Variants in DENND1A observed in about 807,000 individuals in gnomAD.
DENND1A encodes the protein DENN domain containing 1A.
A neutral mutation model predicts 113.7 loss-of-function variants in DENND1A; 51 were observed. The ratio of observed to expected loss-of-function variants is 0.45; its 90% CI spans 0.36 to 0.57. DENND1A has a LOEUF of 0.57. Ranked by LOEUF, DENND1A falls within the 20% of genes least tolerant of loss-of-function variation. DENND1A has a pLI of 0.00. For missense variants in DENND1A, 1,258 were observed against 1,395.9 expected, an observed-to-expected ratio of 0.90 and a Z score of 1.57; for synonymous variants, 565 against 570.8, an observed-to-expected ratio of 0.99 and a Z score of 0.14.
At chr9:123,864,251 A>C (rs1024624598) in intron 2 of DENND1A, among the ~76,000 whole-genome samples, 3 of 152,226 alleles carry the variant, frequency 2.0e-5, no homozygotes, top group Non-Finnish European at 2.9e-5. Context: ...TCAACCAAAA[A>C]AAGATGAATA....
At chr9:123,534,850 G>A (rs561699420) in intron 13 of DENND1A, among the ~76,000 whole-genome samples, 1 of 152,278 alleles carries the variant, frequency 6.6e-6, no homozygotes, top group Non-Finnish European at 1.5e-5. Context: ...TGGACGCCAA[G>A]CCTTTTTTGT....
At chr9:123,571,165 C>T (rs1410688759) in intron 12 of DENND1A, among the ~76,000 whole-genome samples, 1 of 152,082 alleles carries the variant, frequency 6.6e-6, no homozygotes, top group East Asian at 1.9e-4. Flanking sequence ...CAAAGCCGAG[C>T]CATCCTGCCT....
intron 4 of DENND1A, among the ~76,000 whole-genome samples, chr9:123,763,224 T>C (rs1354710387): frequency 1.3e-5 from 2 of 151,772 alleles, no homozygotes; most frequent in Non-Finnish European, 2.9e-5. Flanking sequence ...TAAGTAGGAG[T>C]AGAGAAAATA....
chr9:123,650,074 C>A (rs10760294), intron 9 of DENND1A, among the ~76,000 whole-genome samples: 8,707 of 152,154 alleles, frequency 0.057, 289 homozygotes, highest in South Asian at 0.085. Context: ...TAATCTAAAG[C>A]AACAGTAACT....
chr9:123,708,527 T>C (rs1187978931), intron 5 of DENND1A, among the ~76,000 whole-genome samples: 1 of 152,192 alleles, frequency 6.6e-6, no homozygotes. Flanking sequence ...TTTTAGCATG[T>C]TGCACATTTA....
At chr9:123,665,111 T>C (rs1456894201) in intron 8 of DENND1A, among the ~76,000 whole-genome samples, 1 of 152,168 alleles carries the variant, frequency 6.6e-6, no homozygotes, top group African/African-American at 2.4e-5. Context: ...TTCTGAGAGA[T>C]GAAAGGTAAA....
At chr9:123,412,325 C>T (rs777417164) in intron 19 of DENND1A, among the ~76,000 whole-genome samples, 10 of 152,222 alleles carry the variant, frequency 6.6e-5, no homozygotes, top group Non-Finnish European at 1.3e-4. Flanking sequence ...ACCCACCCTC[C>T]GGGTGGAATG....
intron 1 of DENND1A, 68 bp downstream of exon 1, chr9:123,929,821 C>T (rs1857724294): frequency 1.6e-5 from 3 of 192,362 alleles, no homozygotes; most frequent in Admixed American, 6.1e-5. Flanking sequence ...CGGCCCGCGG[C>T]CTGCAGCCCT....
chr9:123,610,769 T>C lies in DENND1A; in HGVS notation c.720-1288A>G, dbSNP rs115725100. 3.2e-3 allele frequency among the ~76,000 whole-genome samples: 485 copies of C among 152,190 alleles called. 4 individuals carry two copies. The highest frequency in any genetic ancestry group is 0.011 in the African/African-American group (466 of 41,514). Reference sequence around the variant, plus strand: ...CAAGAATGGCTCTTTGGGGACAAAGTTGGAGAAACAAGGAGTGGTAAGTAA... The same window carrying C: ...CAAGAATGGCTCTTTGGGGACAAAGCTGGAGAAACAAGGAGTGGTAAGTAA... On this transcript the variant is annotated intron_variant, in intron 10 of 23. Coordinates refer to ENST00000394215, the MANE Select transcript of DENND1A (RefSeq NM_001352964.2).
chr9:123,518,829 A>G (rs1343702884), intron 13 of DENND1A, among the ~76,000 whole-genome samples: 1 of 152,202 alleles, frequency 6.6e-6, no homozygotes, highest in Non-Finnish European at 1.5e-5. Flanking sequence ...CCATCCTCTG[A>G]GCAGCCAGCA....
At chr9:123,892,463 C>A (rs1278239798) in intron 1 of DENND1A, among the ~76,000 whole-genome samples, 1 of 152,146 alleles carries the variant, frequency 6.6e-6, no homozygotes, top group African/African-American at 2.4e-5. Flanking sequence ...AGACATTAGG[C>A]AACAAAGTGC....
intron 9 of DENND1A, among the ~76,000 whole-genome samples, chr9:123,640,887 A>C (rs2061994164): frequency 6.6e-6 from 1 of 152,206 alleles, no homozygotes; most frequent in Admixed American, 6.5e-5. Flanking sequence ...AAGTGGAACA[A>C]AGCCATCCTG....
At chr9:123,794,165 A>T (rs1234555874) in intron 2 of DENND1A, among the ~76,000 whole-genome samples, 1 of 152,192 alleles carries the variant, frequency 6.6e-6, no homozygotes. Flanking sequence ...GCGGGCACCA[A>T]GAGTGTGGCA....
intron 13 of DENND1A, among the ~76,000 whole-genome samples, chr9:123,473,101 T>C (rs1016765468): frequency 6.6e-6 from 1 of 152,034 alleles, no homozygotes; most frequent in Admixed American, 6.6e-5. Context: ...GGGCAGGCCG[T>C]GTCTGACTCG....
chr9:123,827,545 GAC>G (rs1385273825), intron 2 of DENND1A, among the ~76,000 whole-genome samples: 1 of 151,954 alleles, frequency 6.6e-6, no homozygotes, highest in Admixed American at 6.6e-5. Flanking sequence ...TGTACACACA[GAC>G]ACAAAATTCT....
At chr9:123,498,058 C>CTTGTAATA (rs768344468) in intron 13 of DENND1A, among the ~76,000 whole-genome samples, 15 of 152,156 alleles carry the variant, frequency 9.9e-5, no homozygotes, top group Non-Finnish European at 2.1e-4. Context: ...CAGAAAGACA[C>CTTGTAATA]TTGTAATAGA....
At chr9:123,767,237 G>A (rs2131587785) in intron 4 of DENND1A, among the ~76,000 whole-genome samples, 1 of 152,078 alleles carries the variant, frequency 6.6e-6, no homozygotes, top group Non-Finnish European at 1.5e-5. Context: ...TAGAGGTGGG[G>A]GAACAGAAAG....
chr9:123,833,691 T>A (rs1245723113), intron 2 of DENND1A, among the ~76,000 whole-genome samples: 3 of 152,230 alleles, frequency 2.0e-5, no homozygotes, highest in Non-Finnish European at 4.4e-5. Flanking sequence ...AGCTTTCTAG[T>A]AAGCAAATGA....
intron 13 of DENND1A, among the ~76,000 whole-genome samples, chr9:123,530,608 A>G (rs906147252): frequency 1.3e-5 from 2 of 152,128 alleles, no homozygotes; most frequent in African/African-American, 4.8e-5. Flanking sequence ...TACTGTCAAT[A>G]TTTTGTTAGT....
Sources: allele counts gnomAD v4.1 joint callset (sites outside exome capture counted in the v4.1 genomes callset), GRCh38; gene constraint gnomAD v4.1.1; transcripts MANE v1.5; gene names NCBI Gene and HGNC (gene_info 2026-07-23, HGNC 2026-07-21).